Variants in RFXANK observed in about 807,000 individuals in gnomAD.
The protein encoded by RFXANK is DNA-binding protein RFXANK.
In RFXANK, 19 loss-of-function variants were observed where a neutral mutation model predicts 34.5. The ratio of observed to expected loss-of-function variants is 0.55; its 90% CI spans 0.38 to 0.81. The LOEUF is 0.81. Among genes scored for constraint, RFXANK ranks in the 30% least tolerant of loss-of-function variants. RFXANK has a pLI of 0.00. For synonymous variants in RFXANK, 154 were observed against 149.8 expected (o/e 1.03, Z -0.20); for missense variants, 295 against 343.5 (o/e 0.86, Z 1.12).
intron 3 of RFXANK, among the ~76,000 whole-genome samples, chr19:19,194,488 G>A (rs546340699): frequency 2.6e-5 from 4 of 152,194 alleles, no homozygotes; most frequent in East Asian, 1.9e-4. Flanking sequence ...CGCCCACCTC[G>A]GCCTCCCAAA....
intron 5 of RFXANK, 63 bp downstream of exon 5, chr19:19,197,314 C>T: frequency 6.6e-7 from 1 of 1,518,734 alleles, no homozygotes; most frequent in Non-Finnish European, 9.1e-7. Flanking sequence ...TATGGGTGTC[C>T]ATACCCACTC....
Position 19,201,690 on chromosome 19 carries a change from A to G in RFXANK, c.754A>G (p.Ser252Gly), listed in dbSNP as rs761097826. 88 of 1,614,006 alleles carry G rather than the reference A, an allele frequency of 5.5e-5. No homozygotes were observed. The highest frequency in any genetic ancestry group is 7.2e-5 in the Non-Finnish European group (85 of 1,180,032). Residue 252 changes from serine to glycine, a missense_variant, in exon 10 of 10, where the codon AGC becomes GGC. Physicochemically the swap from Ser to Gly is moderately conservative, Grantham distance 56. Coordinates refer to ENST00000303088, the MANE Select transcript of RFXANK (RefSeq NM_003721.4). ...IENHILKLFQSNLVPADPE is the reference protein window; with the variant it reads ...IENHILKLFQGNLVPADPE Reference sequence around the variant, plus strand: ...GAACCACATCCTCAAGCTCTTCCAGAGCAACCTGGTGCCCGCTGACCCTGA... The same window carrying G: ...GAACCACATCCTCAAGCTCTTCCAGGGCAACCTGGTGCCCGCTGACCCTGA...
intron 9 of RFXANK, among the ~76,000 whole-genome samples, chr19:19,200,247 G>A (rs1373315634): frequency 2.1e-5 from 3 of 145,544 alleles, no homozygotes; most frequent in Non-Finnish European, 4.5e-5. Flanking sequence ...GCGCCATCTC[G>A]GCTCACTGCA....
chr19:19,193,513 A>C (rs559039323), intron 2 of RFXANK, among the ~76,000 whole-genome samples: 23 of 145,104 alleles, frequency 1.6e-4, no homozygotes, highest in Non-Finnish European at 2.8e-4. Context: ...CCACCTCCCG[A>C]GTTCAAGCAA....
intron 8 of RFXANK, 75 bp from the exon 9 acceptor site, chr19:19,199,079 G>A (rs2060652082): frequency 7.2e-7 from 1 of 1,393,078 alleles, no homozygotes; most frequent in Admixed American, 1.7e-5. Context: ...GGGTGCCATG[G>A]GATCTCCCAG....
At chr19:19,198,516 T>C in intron 7 of RFXANK, 141 bp from the exon 8 acceptor site, 1 of 1,098,300 alleles carries the variant, frequency 9.1e-7, no homozygotes, top group Non-Finnish European at 1.3e-6. Context: ...GGAAGGTGTC[T>C]AAGCTTGAGA....
chr19:19,199,027 A>G (rs777853188), intron 8 of RFXANK, 127 bp from the exon 9 acceptor site: 16 of 967,762 alleles, frequency 1.7e-5, no homozygotes, highest in Non-Finnish European at 2.3e-5. Flanking sequence ...CAAAGGCCAC[A>G]TGGGCAACGG....
chr19:19,198,091 C>T lies in RFXANK; in HGVS notation c.439-16C>T. On this transcript the variant is annotated splice_polypyrimidine_tract_variant and intron_variant, in intron 6 of 9. Transcript: ENST00000303088. ...GCCCCAATCCATCCTACCACTGTCC[C>T]TTCTTCTCCCTGCAGGGTGCCGACC... 1 of 1,612,960 alleles carries T rather than the reference C, an allele frequency of 6.2e-7. No homozygotes were observed.
chr19:19,199,062 G>C, intron 8 of RFXANK, 92 bp from the exon 9 acceptor site: 2 of 1,249,324 alleles, frequency 1.6e-6, no homozygotes, highest in African/African-American at 1.5e-5. Context: ...GCATTGTGGG[G>C]AATGAGGGGT....
At chr19:19,197,117 G>A (rs1490548221) in intron 4 of RFXANK, 69 bp from the exon 5 acceptor site, 5 of 1,612,068 alleles carry the variant, frequency 3.1e-6, no homozygotes, top group Non-Finnish European at 4.2e-6. Flanking sequence ...AGCAATCGTG[G>A]ACAGAGGGTA....
rs1175245964 is a variant in RFXANK, at chr19:19,192,455, C to T, written c.-249C>T. On this transcript the variant is annotated 5_prime_UTR_variant, in exon 1 of 10. Coordinates refer to ENST00000303088, the MANE Select transcript of RFXANK (RefSeq NM_003721.4). ...GGGAGTCCTCCACGCATTACCCACT[C>T]GGGCCGCAAAAACTCCCTTCTTTAG... is the stretch of plus-strand genomic sequence containing the variant. 1 of 380,590 alleles carries T rather than the reference C, an allele frequency of 2.6e-6. No homozygotes were observed. The highest frequency in any genetic ancestry group is 5.0e-5 in the East Asian group (1 of 20,020). The allele number at this position is 380,590 out of a possible 1,614,324, so 23.6% of individuals were successfully genotyped here.
chr19:19,198,652 G>T lies in RFXANK; in HGVS notation c.565-5G>T. On this transcript the variant is annotated splice_polypyrimidine_tract_variant and splice_region_variant and intron_variant, in intron 7 of 9. Transcript: ENST00000303088. ...TTTGGTTTCTCCTGCCCCTACCCAC[G>T]ACAGAATGGAGGGACGCCACTGCTG... 6.2e-7 allele frequency: 1 copy of T among 1,613,358 alleles called. No individual in the cohort carries two copies. The highest frequency in any genetic ancestry group is 1.1e-5 in the South Asian group (1 of 91,080).
chr19:19,199,738 G>A (rs2060668656), intron 9 of RFXANK, among the ~76,000 whole-genome samples: 1 of 152,148 alleles, frequency 6.6e-6, no homozygotes, highest in Non-Finnish European at 1.5e-5. Flanking sequence ...AGTGCACAGA[G>A]CCACAGAGGC....
chr19:19,199,264 G>A, intron 9 of RFXANK, 30 bp downstream of exon 9: 1 of 1,609,220 alleles, frequency 6.2e-7, no homozygotes, highest in East Asian at 2.2e-5. Context: ...AGCAGGGGTG[G>A]GGTCCCTTCC....
intron 3 of RFXANK, among the ~76,000 whole-genome samples, chr19:19,196,683 A>T (rs1048071245): frequency 3.9e-5 from 6 of 151,974 alleles, no homozygotes; most frequent in Non-Finnish European, 7.4e-5. Flanking sequence ...TGGCCAACAT[A>T]GCGAAACCCC....
rs2060497403 is a variant in RFXANK at position 19,192,372 on chromosome 19, G to T, written c.-332G>T. ...GGCTGGTGGAGCGACACCCAGGCAG[G>T]AGAGGGGGAAGAACTCTCTCCCTTT... On this transcript the variant is annotated 5_prime_UTR_variant, in exon 1 of 10. Transcript: ENST00000303088. The T allele has an allele frequency of 1.7e-6, 1 of 584,372 alleles. No homozygotes were observed. The highest frequency in any genetic ancestry group is 3.1e-6 in the Non-Finnish European group (1 of 327,678). The allele number at this position is 584,372 out of a possible 1,614,324, so 36.2% of individuals were successfully genotyped here. A position where few individuals can be genotyped will look rare whatever the true frequency, so the allele number is the denominator to read the frequency against.
rs778842914 is a variant in RFXANK, at chr19:19,196,949, TGTC to T, written c.188-13_188-11del. 1 of 1,608,406 alleles carries T rather than the reference TGTC, an allele frequency of 6.2e-7. No individual in the cohort carries two copies. The highest frequency in any genetic ancestry group is 8.5e-7 in the Non-Finnish European group (1 of 1,178,614). On this transcript the variant is annotated splice_polypyrimidine_tract_variant and intron_variant, in intron 3 of 9. Transcript: ENST00000303088. ...CTACTGAGGGGAAACTGACGCCTGT[TGTC>T]TGTTTCCCAGCAGGCAGCTCCCTGA... is the stretch of plus-strand genomic sequence containing the variant.
intron 8 of RFXANK, chr19:19,198,940 C>A: frequency 1.3e-6 from 1 of 745,056 alleles, no homozygotes. Flanking sequence ...GGCTAAGCAC[C>A]TCCATCCTCC....
chr19:19,192,366 A>C lies in RFXANK; in HGVS notation c.-338A>C, dbSNP rs1483227197. On this transcript the variant is annotated 5_prime_UTR_variant, in exon 1 of 10. Coordinates refer to ENST00000303088, the MANE Select transcript of RFXANK (RefSeq NM_003721.4). ...CCAGGAGGCTGGTGGAGCGACACCC[A>C]GGCAGGAGAGGGGGAAGAACTCTCT... The C allele has an allele frequency of 1.7e-6, 1 of 585,404 alleles. No individual in the cohort carries two copies. The highest frequency in any genetic ancestry group is 3.0e-5 in the Admixed American group (1 of 33,152). The allele number at this position is 585,404 out of a possible 1,614,324, so 36.3% of individuals were successfully genotyped here. A position where few individuals can be genotyped will look rare whatever the true frequency, so the allele number is the denominator to read the frequency against.
Sources: allele counts gnomAD v4.1 joint callset (sites outside exome capture counted in the v4.1 genomes callset), GRCh38; gene constraint gnomAD v4.1.1; transcripts MANE v1.5; gene names NCBI Gene and HGNC (gene_info 2026-07-23, HGNC 2026-07-21).